SLC25A31: variants seen among roughly 807,000 people sequenced by gnomAD.
SLC25A31 encodes ADP/ATP translocase 4.
Under a neutral mutation model 36.2 loss-of-function variants are expected in SLC25A31, and 40 were observed. The ratio of observed to expected loss-of-function variants is 1.10; its 90% CI spans 0.86 to 1.44. The LOEUF (loss-of-function observed/expected upper bound fraction) is 1.44. SLC25A31 is among the 40% of genes most tolerant of loss of function. The probability of loss-of-function intolerance (pLI) is 0.00; values close to 1 mark genes in which losing one functional copy is unlikely to be tolerated. For missense variants in SLC25A31, 350 were observed against 397.1 expected (o/e 0.88, Z 1.01); for synonymous variants, 143 against 149.7 (o/e 0.96, Z 0.32).
At chr4:127,749,646 T>C (rs7667337) in intron 2 of SLC25A31, among the ~76,000 whole-genome samples, 3 of 150,436 alleles carry the variant, frequency 2.0e-5, no homozygotes, top group East Asian at 2.0e-4. Flanking sequence ...GAGGTGGAGA[T>C]TGCAGTGAGC....
At chr4:127,750,775 G>A (rs1731916860) in intron 2 of SLC25A31, among the ~76,000 whole-genome samples, 1 of 151,378 alleles carries the variant, frequency 6.6e-6, no homozygotes. Flanking sequence ...AAAAGAGAAA[G>A]GAATTAAAGC....
intron 2 of SLC25A31, among the ~76,000 whole-genome samples, chr4:127,761,239 G>A (rs1038753047): frequency 2.6e-5 from 4 of 151,968 alleles, no homozygotes; most frequent in Admixed American, 1.3e-4. Context: ...TATCAGAAGT[G>A]TCCTGGTTTG....
chr4:127,764,217 A>C (rs750670845), intron 2 of SLC25A31, 26 bp from the exon 3 acceptor site: 5 of 1,585,316 alleles, frequency 3.2e-6, no homozygotes, highest in Non-Finnish European at 3.5e-6. Flanking sequence ...TGGTTTAATA[A>C]CCACTTTTAA....
intron 1 of SLC25A31, among the ~76,000 whole-genome samples, chr4:127,733,026 G>A (rs565075490): frequency 7.9e-4 from 121 of 152,262 alleles, no homozygotes; most frequent in Admixed American, 2.6e-3. Context: ...TTCGATTTTC[G>A]TGTAGCAGTG....
intron 1 of SLC25A31, among the ~76,000 whole-genome samples, chr4:127,731,978 A>G (rs2148751128): frequency 6.6e-6 from 1 of 152,266 alleles, no homozygotes; most frequent in Non-Finnish European, 1.5e-5. Flanking sequence ...TTTGTTCATC[A>G]TTGATTTTTT....
At chr4:127,732,757 A>G (rs1210210714) in intron 1 of SLC25A31, among the ~76,000 whole-genome samples, 1 of 152,176 alleles carries the variant, frequency 6.6e-6, no homozygotes, top group Non-Finnish European at 1.5e-5. Context: ...ATTATATATA[A>G]AGCTTTATGA....
intron 3 of SLC25A31, among the ~76,000 whole-genome samples, chr4:127,766,351 C>A (rs188350685): frequency 3.3e-5 from 5 of 151,348 alleles, no homozygotes; most frequent in African/African-American, 1.2e-4. Context: ...TATTTTTAAT[C>A]GAGACAGGGT....
chr4:127,736,418 A>G (rs1399819216), intron 1 of SLC25A31, among the ~76,000 whole-genome samples: 1 of 152,200 alleles, frequency 6.6e-6, no homozygotes, highest in Non-Finnish European at 1.5e-5. Context: ...CAATTTTGTG[A>G]TATATATTAA....
intron 1 of SLC25A31, among the ~76,000 whole-genome samples, chr4:127,733,557 T>C (rs544043597): frequency 3.3e-4 from 51 of 152,356 alleles, no homozygotes; most frequent in African/African-American, 1.1e-3. Context: ...TTTCAAAATG[T>C]CAATATGCAG....
At chr4:127,762,696 A>T (rs1732164741) in intron 2 of SLC25A31, among the ~76,000 whole-genome samples, 1 of 152,080 alleles carries the variant, frequency 6.6e-6, no homozygotes, top group African/African-American at 2.4e-5. Context: ...AGGCAGGCGG[A>T]TCACGAGGTC....
At chr4:127,755,569 A>T (rs1312841545) in intron 2 of SLC25A31, among the ~76,000 whole-genome samples, 1 of 152,230 alleles carries the variant, frequency 6.6e-6, no homozygotes, top group African/African-American at 2.4e-5. Flanking sequence ...AGGGAAATGC[A>T]AATTAAAACC....
intron 5 of SLC25A31, among the ~76,000 whole-genome samples, chr4:127,772,667 C>T (rs909074658): frequency 2.6e-5 from 4 of 152,042 alleles, no homozygotes; most frequent in African/African-American, 9.7e-5. Flanking sequence ...TTATAAATTA[C>T]AACTCGAAGC....
At chr4:127,773,339 T>C (rs1732401379) in intron 5 of SLC25A31, 47 bp from the exon 6 acceptor site, 2 of 1,538,354 alleles carry the variant, frequency 1.3e-6, no homozygotes, top group Non-Finnish European at 8.8e-7. Flanking sequence ...TGTCTTAAGA[T>C]AAAAGATATT....
At chr4:127,752,874 C>T (rs1731961923) in intron 2 of SLC25A31, among the ~76,000 whole-genome samples, 1 of 152,150 alleles carries the variant, frequency 6.6e-6, no homozygotes, top group South Asian at 2.1e-4. Context: ...TGAGCTTGAA[C>T]TGCACTTTAG....
At chr4:127,742,141 T>C (rs1731743937) in intron 1 of SLC25A31, among the ~76,000 whole-genome samples, 1 of 152,216 alleles carries the variant, frequency 6.6e-6, no homozygotes. Context: ...ATTATTTTTG[T>C]AGTCTCTATT....
intron 5 of SLC25A31, among the ~76,000 whole-genome samples, chr4:127,770,249 G>A (rs185069876): frequency 7.4e-4 from 113 of 152,288 alleles, no homozygotes; most frequent in African/African-American, 2.5e-3. Context: ...ACTATGGATT[G>A]GGTCAGTGGT....
Position 127,730,554 on chromosome 4 carries a change from T to A in SLC25A31, c.9T>A (p.Arg3=), listed in dbSNP as rs368418899. The A allele has an allele frequency of 4.9e-5, 79 of 1,613,688 alleles. No homozygotes were observed. Among genetic ancestry groups the A allele is most frequent in the Non-Finnish European group, 6.6e-5 (78 of 1,179,696 alleles). ...TTATATCCTTCTCCATCATGCATCG[T>A]GAGCCTGCGAAAAAGAAGGCAGAAA... MH[R]EPAKKKAEKR... The change falls in exon 1 of 6, where the codon CGT becomes CGA. Residue 3 remains arginine, a synonymous_variant. Transcript: ENST00000281154.
intron 2 of SLC25A31, among the ~76,000 whole-genome samples, chr4:127,763,285 A>AT (rs1732177436): frequency 6.6e-6 from 1 of 152,190 alleles, no homozygotes; most frequent in Non-Finnish European, 1.5e-5. Flanking sequence ...AGCAATAACT[A>AT]TTTTTTTGTT....
In SLC25A31 at chr4:127,736,915, A is replaced by G. The variant is rs72681834; in HGVS notation, c.232+6138A>G. Among the ~76,000 whole-genome samples, 821 of 152,354 alleles carry G rather than the reference A, an allele frequency of 5.4e-3. 2 individuals carry two copies. The highest frequency in any genetic ancestry group is 7.2e-3 in the Non-Finnish European group (490 of 68,028). ...TGCATAGAGTAGATTTTTGTAATCT[A>G]TCCAAGGGAACTGGAACCTATGTAG... On this transcript the variant is annotated intron_variant, in intron 1 of 5. Transcript: ENST00000281154.
Sources: gnomAD v4.1 joint callset for allele counts (sites outside exome capture counted in the v4.1 genomes callset) on GRCh38, gnomAD v4.1.1 for gene constraint, MANE v1.5 for transcripts, NCBI Gene and HGNC (gene_info 2026-07-23, HGNC 2026-07-21) for gene names.